The following SORBS2 variants were observed in gnomAD, a reference collection of about 807,000 sequenced individuals.
SORBS2 encodes the protein sorbin and SH3 domain containing 2, also known as sorbin and SH3 domain-containing protein 2.
A neutral mutation model predicts 97.7 loss-of-function variants in SORBS2; 46 were observed. That is an observed-to-expected ratio of 0.47 (90% CI 0.37 to 0.60). SORBS2 has a LOEUF of 0.60. Ranked by LOEUF, SORBS2 falls within the 20% of genes least tolerant of loss-of-function variation. The probability of loss-of-function intolerance (pLI) is 0.00; values close to 1 mark genes in which losing one functional copy is unlikely to be tolerated. For missense variants in SORBS2, 1,316 were observed against 1,282.3 expected (o/e 1.03, Z -0.40); for synonymous variants, 476 against 473.4 (o/e 1.01, Z -0.07).
intron 6 of SORBS2, among the ~76,000 whole-genome samples, chr4:185,625,214 T>A (rs569182347): frequency 6.6e-6 from 1 of 152,306 alleles, no homozygotes; most frequent in East Asian, 1.9e-4. Flanking sequence ...AAACTGAATA[T>A]AATGCAAAAC....
chr4:185,917,961 T>C (rs993263639), intron 1 of SORBS2, among the ~76,000 whole-genome samples: 4 of 152,206 alleles, frequency 2.6e-5, no homozygotes, highest in African/African-American at 4.8e-5. Context: ...CTTCCATGTA[T>C]TATGAATATG....
intron 1 of SORBS2, among the ~76,000 whole-genome samples, chr4:185,798,344 C>T (rs2099115424): frequency 6.6e-6 from 1 of 152,152 alleles, no homozygotes; most frequent in African/African-American, 2.4e-5. Context: ...TATAAAATCA[C>T]TAAAATTGGC....
chr4:185,778,034 A>G (rs916916754), intron 1 of SORBS2, among the ~76,000 whole-genome samples: 6 of 152,228 alleles, frequency 3.9e-5, no homozygotes, highest in Middle Eastern at 3.2e-3. Flanking sequence ...TTATGACATT[A>G]ATTTTTATAT....
chr4:185,861,417 A>C (rs7654779), intron 1 of SORBS2, among the ~76,000 whole-genome samples: 34,515 of 151,850 alleles, frequency 0.23, 4,474 homozygotes, highest in Middle Eastern at 0.34. Flanking sequence ...ATGTGTTTTG[A>C]GTGCTTGAGA....
At chr4:185,680,067 A>G (rs1179729929) in intron 2 of SORBS2, among the ~76,000 whole-genome samples, 4 of 152,356 alleles carry the variant, frequency 2.6e-5, no homozygotes, top group Non-Finnish European at 4.4e-5. Flanking sequence ...TCTCCAATGA[A>G]TTTAAAATTG....
intron 2 of SORBS2, among the ~76,000 whole-genome samples, chr4:185,692,093 T>G (rs1014131709): frequency 6.6e-6 from 1 of 152,230 alleles, no homozygotes; most frequent in African/African-American, 2.4e-5. Flanking sequence ...TTAGCCCATT[T>G]ATGGAGTTTC....
chr4:185,713,848 G>A (rs1262869070), intron 2 of SORBS2, among the ~76,000 whole-genome samples: 3 of 152,116 alleles, frequency 2.0e-5, no homozygotes, highest in Non-Finnish European at 4.4e-5. Flanking sequence ...TGTTCATACT[G>A]CACACCATTA....
rs1205529954 is a variant in SORBS2 at position 185,731,818 on chromosome 4, G to A, written c.-198+43409C>T. 5.5e-4 allele frequency among the ~76,000 whole-genome samples: 41 copies of A among 74,898 alleles called. 2 individuals carry two copies. The highest frequency in any genetic ancestry group is 1.9e-3 in the African/African-American group (36 of 18,632). 49.1% of individuals were successfully genotyped at this position (74,898 alleles called of 152,430 possible). On this transcript the variant is annotated intron_variant, in intron 2 of 20. Coordinates refer to the SORBS2 transcript ENST00000284776. ...TGCCTATCTCTTTCCCTCCCTCCCT[G>A]CCTGTCTCTCTCTTTCTCTCTCTCT...
rs146297046 is a variant in SORBS2, at chr4:185,844,013, T to C, written c.-337-68647A>G. Among the ~76,000 whole-genome samples the C allele has an allele frequency of 2.5e-3, 381 of 152,312 alleles. 1 individual carries two copies. The highest frequency in any genetic ancestry group is 0.01 in the Middle Eastern group (3 of 294). On this transcript the variant is annotated intron_variant, in intron 1 of 20. Coordinates refer to the SORBS2 transcript ENST00000284776. ...TTGAAGACTGTACACTCTATGAGTA[T>C]ATGAGATAACACATCCCTTCCTTGG...
chr4:185,777,795 A>AAAT (rs577946635), intron 1 of SORBS2, among the ~76,000 whole-genome samples: 1 of 152,148 alleles, frequency 6.6e-6, no homozygotes. Context: ...ACAAAAAAAA[A>AAAT]AGGTGAATGA....
At chr4:185,707,492 A>T (rs2098361351) in intron 2 of SORBS2, among the ~76,000 whole-genome samples, 1 of 147,476 alleles carries the variant, frequency 6.8e-6, no homozygotes, top group Non-Finnish European at 1.5e-5. Context: ...TTACTCTAAG[A>T]CAAATGTCAT....
chr4:185,656,857 G>A lies in SORBS2; in HGVS notation c.-219C>T, dbSNP rs1018201663. 29 of 1,321,534 alleles carry A rather than the reference G, an allele frequency of 2.2e-5. No individual in the cohort carries two copies. The African/African-American group carries it at 4.1e-4, about 19-fold the overall frequency. 81.9% of individuals were successfully genotyped at this position (1,321,534 alleles called of 1,614,324 possible). On this transcript the variant is annotated 5_prime_UTR_variant, in exon 1 of 15. Coordinates refer to ENST00000418609, the Ensembl canonical transcript of SORBS2. ...ACTTATCATCCCAGGAGAGCTCTCA[G>A]CAGGCACGGCTGAAGAGGGACATTA...
At chr4:185,720,309 A>C (rs916633251) in intron 2 of SORBS2, among the ~76,000 whole-genome samples, 9 of 149,574 alleles carry the variant, frequency 6.0e-5, no homozygotes, top group African/African-American at 2.2e-4. Context: ...GTATTCCCAC[A>C]GTCAGAATCC....
chr4:185,934,502 T>C (rs2099267972), intron 1 of SORBS2, among the ~76,000 whole-genome samples: 1 of 152,180 alleles, frequency 6.6e-6, no homozygotes, highest in Non-Finnish European at 1.5e-5. Context: ...GGCTCACACC[T>C]GTAATCCCAG....
chr4:185,955,404 A>C (rs1014282458), intron 1 of SORBS2, among the ~76,000 whole-genome samples: 2 of 152,210 alleles, frequency 1.3e-5, no homozygotes, highest in Non-Finnish European at 2.9e-5. Flanking sequence ...ACTGCATGGT[A>C]CATGATGAAA....
At chr4:185,721,308 T>C (rs4862567) in intron 2 of SORBS2, among the ~76,000 whole-genome samples, 103,870 of 151,974 alleles carry the variant, frequency 0.68, 38,503 homozygotes, top group Non-Finnish European at 0.83. Flanking sequence ...CTCCTGACCT[T>C]GGGTGATCCG....
intron 1 of SORBS2, among the ~76,000 whole-genome samples, chr4:185,796,809 T>G (rs13103089): frequency 1.2e-3 from 3 of 2,456 alleles, no homozygotes; most frequent in Non-Finnish European, 1.8e-3. Flanking sequence ...ATGCCTGGGC[T>G]CTGTGGCCAC....
intron 2 of SORBS2, among the ~76,000 whole-genome samples, chr4:185,748,564 C>G (rs28521093): frequency 2.0e-5 from 3 of 151,974 alleles, no homozygotes; most frequent in Non-Finnish European, 1.5e-5. Context: ...GGAGGCCTCA[C>G]GAGCAATTTT....
chr4:185,715,932 T>C (rs1267668986), intron 2 of SORBS2, among the ~76,000 whole-genome samples: 3 of 152,246 alleles, frequency 2.0e-5, no homozygotes, highest in African/African-American at 7.2e-5. Context: ...CACTGTGCCA[T>C]GTCCTACAAT....
Sources: allele counts gnomAD v4.1 joint callset (sites outside exome capture counted in the v4.1 genomes callset), GRCh38; gene constraint gnomAD v4.1.1; transcripts MANE v1.5; gene names NCBI Gene and HGNC (gene_info 2026-07-23, HGNC 2026-07-21).